The following FAM107A variants were observed in gnomAD, a reference collection of about 807,000 sequenced individuals.
FAM107A encodes family with sequence similarity 107 member A.
FAM107A carries 19 observed loss-of-function variants against 13.7 expected under a neutral mutation model. The observed-to-expected ratio is 1.38, with a 90% confidence interval of 0.97 to 2.03. The LOEUF is 2.03. Ranked by LOEUF, FAM107A falls within the 30% of genes most tolerant of loss-of-function variation. The probability of loss-of-function intolerance (pLI) is 0.00; values close to 1 mark genes in which losing one functional copy is unlikely to be tolerated. For synonymous variants in FAM107A, 82 were observed against 74.5 expected (o/e 1.10, Z -0.52); for missense variants, 203 against 184.4 (o/e 1.10, Z -0.58).
rs1364063891 is a variant in FAM107A, at chr3:58,564,758, T to C, written c.*1830A>G. 3 of 152,328 alleles carry C rather than the reference T, an allele frequency of 2.0e-5. No individual in the cohort carries two copies. Among genetic ancestry groups the C allele is most frequent in the African/African-American group, 7.2e-5 (3 of 41,466 alleles). 9.4% of individuals were successfully genotyped at this position (152,328 alleles called of 1,614,324 possible). On this transcript the variant is annotated 3_prime_UTR_variant, in exon 4 of 4. Coordinates refer to ENST00000360997, the MANE Select transcript of FAM107A (RefSeq NM_001076778.3). This position sits in a 1 kb window ranked among gnomAD's most constrained non-coding sequence, Gnocchi z 5.6. ...AAGTGGTGATCTTTATTTTAGGGAT[T>C]GTGCATCTTCAGTGTAACCCTCACC... is the stretch of plus-strand genomic sequence containing the variant.
chr3:58,568,587 T>C (rs1328804250), intron 2 of FAM107A, among the ~76,000 whole-genome samples: 12 of 152,174 alleles, frequency 7.9e-5, no homozygotes, highest in Admixed American at 7.9e-4. Context: ...TTTTTTGATA[T>C]TAAAGGGACG....
intron 1 of FAM107A, among the ~76,000 whole-genome samples, chr3:58,598,894 A>G (rs1458975746): frequency 4.6e-5 from 7 of 151,604 alleles, no homozygotes; most frequent in African/African-American, 1.5e-4. Context: ...TTTTTTTTTT[A>G]AACCATTACG....
upstream of FAM107A, among the ~76,000 whole-genome samples, chr3:58,581,163 C>T (rs754536277): frequency 2.6e-5 from 4 of 152,316 alleles, no homozygotes; most frequent in Admixed American, 6.5e-5. Flanking sequence ...CATACTTGCT[C>T]GGCCCCCTGG....
chr3:58,601,990 C>G (rs2065756666), intron 1 of FAM107A, among the ~76,000 whole-genome samples: 1 of 152,084 alleles, frequency 6.6e-6, no homozygotes, highest in Non-Finnish European at 1.5e-5. Context: ...AATCCCATCT[C>G]AGGCAGGCTG....
At chr3:58,614,759 C>A (rs949928477) in intron 1 of FAM107A, among the ~76,000 whole-genome samples, 7 of 152,250 alleles carry the variant, frequency 4.6e-5, no homozygotes, top group Non-Finnish European at 5.9e-5. Context: ...CCCACCTTGG[C>A]CTCCCAAAGT....
At chr3:58,609,751 G>T (rs1223322692) in intron 1 of FAM107A, among the ~76,000 whole-genome samples, 2 of 141,970 alleles carry the variant, frequency 1.4e-5, no homozygotes, top group Non-Finnish European at 2.9e-5. Flanking sequence ...TCCTCACATG[G>T]ATATGGGACC....
rs550913512 is a variant in FAM107A, at chr3:58,613,026, C to T, written c.-70+14390G>A. Among the ~76,000 whole-genome samples the T allele has an allele frequency of 1.3e-5, 2 of 152,250 alleles. No individual in the cohort carries two copies. The highest frequency in any genetic ancestry group is 6.5e-5 in the Admixed American group (1 of 15,306). Reference sequence around the variant, plus strand: ...GTTTCTACTGCTGTCCTTCCCGTTACCTCCTCCAATGGGGCTTCAGTCACC... The same window carrying T: ...GTTTCTACTGCTGTCCTTCCCGTTATCTCCTCCAATGGGGCTTCAGTCACC... On this transcript the variant is annotated intron_variant, in intron 1 of 3. Coordinates refer to the FAM107A transcript ENST00000465970. The surrounding 1 kb of genome is among the most constrained non-coding windows in gnomAD (Gnocchi z 4.6).
At chr3:58,574,667 T>C (rs1312182210) in intron 1 of FAM107A, among the ~76,000 whole-genome samples, 1 of 152,206 alleles carries the variant, frequency 6.6e-6, no homozygotes, top group Non-Finnish European at 1.5e-5. Context: ...TGCATGACTA[T>C]AGGATGGCAA....
At chr3:58,619,906 A>G (rs1018027713) in intron 1 of FAM107A, among the ~76,000 whole-genome samples, 2 of 152,044 alleles carry the variant, frequency 1.3e-5, no homozygotes, top group African/African-American at 4.8e-5. Flanking sequence ...GAATGTGAGA[A>G]TTTGGATCAG....
Position 58,600,568 on chromosome 3 carries a change from C to G in FAM107A, c.-69-11299G>C, listed in dbSNP as rs1018202676. On this transcript the variant is annotated intron_variant, in intron 1 of 3. Coordinates refer to the FAM107A transcript ENST00000465970. ...GTTTGAGCCCAGGTCAGCCTGGCTC[C>G]AAAGCTGGGACAGGGAATTCGATAG... Among the ~76,000 whole-genome samples, 74 of 152,136 alleles carry G rather than the reference C, an allele frequency of 4.9e-4. 2 individuals carry two copies. Among genetic ancestry groups the G allele is most frequent in the Admixed American group, 2.0e-4 (3 of 15,272 alleles).
At position 58,577,259 on chromosome 3, in the gene FAM107A, G is replaced by C; in HGVS notation, c.-6+50C>G. 1.1e-6 allele frequency: 1 copy of C among 938,440 alleles called. No homozygotes were observed. Among genetic ancestry groups the C allele is most frequent in the Non-Finnish European group, 1.3e-6 (1 of 787,058 alleles). 58.1% of individuals were successfully genotyped at this position (938,440 alleles called of 1,614,324 possible). On this transcript the variant is annotated intron_variant, in intron 1 of 3. Coordinates refer to ENST00000360997, the MANE Select transcript of FAM107A (RefSeq NM_001076778.3). The surrounding 1 kb of genome is among the most constrained non-coding windows in gnomAD (Gnocchi z 4.9). The stretch of plus-strand genomic sequence containing the variant: ...CCCTCCTTCCCTTCCACCTCCTCCC[G>C]AACGGCACCGCTCTCAACAGCAGAT...
intron 1 of FAM107A, among the ~76,000 whole-genome samples, chr3:58,619,552 C>G (rs1184117947): frequency 6.6e-6 from 1 of 152,208 alleles, no homozygotes; most frequent in Non-Finnish European, 1.5e-5. Flanking sequence ...CTCTCCCCGC[C>G]TCCTGACCTG....
intron 1 of FAM107A, among the ~76,000 whole-genome samples, chr3:58,595,967 C>T (rs963354543): frequency 3.9e-5 from 6 of 152,186 alleles, no homozygotes; most frequent in Non-Finnish European, 5.9e-5. Context: ...GTTTCCAAAT[C>T]GGGAGATGCT....
chr3:58,581,996 G>T (rs2065551484), upstream of FAM107A, among the ~76,000 whole-genome samples: 1 of 152,038 alleles, frequency 6.6e-6, no homozygotes, highest in Admixed American at 6.5e-5. Context: ...GAGGGAGCAT[G>T]TGTGTGTGTG....
At chr3:58,579,013 C>T (rs533072513), upstream of FAM107A, among the ~76,000 whole-genome samples, 2 of 152,332 alleles carry the variant, frequency 1.3e-5, no homozygotes, top group African/African-American at 4.8e-5. Context: ...GTCAGGGAAC[C>T]TACCTTCAAG....
chr3:58,619,475 G>C (rs2065933342), intron 1 of FAM107A, among the ~76,000 whole-genome samples: 1 of 152,200 alleles, frequency 6.6e-6, no homozygotes, highest in African/African-American at 2.4e-5. Flanking sequence ...AGTTCTTTCA[G>C]TTCCTGGGAC....
At chr3:58,626,167 G>A (rs887309917) in intron 1 of FAM107A, among the ~76,000 whole-genome samples, 8 of 151,966 alleles carry the variant, frequency 5.3e-5, no homozygotes, top group South Asian at 2.1e-4. Flanking sequence ...TGAGCACGTA[G>A]GACAATCCCG....
At chr3:58,609,480 A>G (rs997560038) in intron 1 of FAM107A, among the ~76,000 whole-genome samples, 1 of 152,166 alleles carries the variant, frequency 6.6e-6, no homozygotes, top group Non-Finnish European at 1.5e-5. Context: ...TTCTTCTTAT[A>G]CACATATGAA....
At chr3:58,590,005 G>C (rs1447721023), upstream of FAM107A, among the ~76,000 whole-genome samples, 1 of 152,202 alleles carries the variant, frequency 6.6e-6, no homozygotes, top group Non-Finnish European at 1.5e-5. Context: ...CTTAGGGCCA[G>C]TTCTTGGACA....
Sources: allele counts gnomAD v4.1 joint callset (sites outside exome capture counted in the v4.1 genomes callset), GRCh38; gene constraint gnomAD v4.1.1; non-coding constraint Gnocchi (gnomAD v3.1); transcripts MANE v1.5; gene names NCBI Gene and HGNC (gene_info 2026-07-23, HGNC 2026-07-21).